The following FNDC1 variants were observed in gnomAD, a reference collection of about 807,000 sequenced individuals.
FNDC1 encodes the protein fibronectin type III domain containing 1, also known as fibronectin type III domain-containing protein 1.
FNDC1 carries 96 observed loss-of-function variants against 168.0 expected under a neutral mutation model. The observed-to-expected ratio is 0.57, with a 90% confidence interval of 0.48 to 0.68. The LOEUF (loss-of-function observed/expected upper bound fraction) is 0.68. FNDC1 is among the 30% of genes least tolerant of loss of function. The pLI is 0.00. For synonymous variants in FNDC1, 1,099 were observed against 1,025.9 expected (o/e 1.07, Z -1.36); for missense variants, 2,587 against 2,482.1 (o/e 1.04, Z -0.90).
chr6:159,256,489 G>C lies in FNDC1; in HGVS notation c.5066-34G>C, dbSNP rs768181101. ...ATCTTGTGTGTGACTTGGTTCCTTG[G>C]TGTCCATTGGGTTTTTCCTGTTTCC... On this transcript the variant is annotated intron_variant, in intron 17 of 22. Transcript: ENST00000297267. The C allele has an allele frequency of 4.0e-6, 6 of 1,486,238 alleles. No homozygotes were observed. In the East Asian group the frequency reaches 6.8e-5, roughly 17 times the overall value. The allele number at this position is 1,486,238 out of a possible 1,614,324, so 92.1% of individuals were successfully genotyped here. A position where few individuals can be genotyped will look rare whatever the true frequency, so the allele number is the denominator to read the frequency against.
At chr6:159,174,374 C>T (rs923398892) in intron 1 of FNDC1, among the ~76,000 whole-genome samples, 1 of 152,256 alleles carries the variant, frequency 6.6e-6, no homozygotes, top group Non-Finnish European at 1.5e-5. Flanking sequence ...TAAAAGTTAT[C>T]CTTGCTTATG....
chr6:159,176,566 TG>T (rs891390260), intron 1 of FNDC1, among the ~76,000 whole-genome samples: 5 of 152,128 alleles, frequency 3.3e-5, no homozygotes, highest in Admixed American at 2.6e-4. Flanking sequence ...GCTGCACACG[TG>T]AAGTCATGTG....
rs967761972 is a variant in FNDC1 at position 159,271,496 on chromosome 6, G to A, written c.*54G>A. On this transcript the variant is annotated 3_prime_UTR_variant, in exon 23 of 23. Coordinates refer to ENST00000297267, the MANE Select transcript of FNDC1 (RefSeq NM_032532.3). ...CCTGCCCAGCCCCACCAACTAAGTCGCACTAGGGGCTGTGAGCAAAGACAG... is the reference window on the plus strand; with the variant it reads ...CCTGCCCAGCCCCACCAACTAAGTCACACTAGGGGCTGTGAGCAAAGACAG... 8.8e-6 allele frequency: 12 copies of A among 1,360,712 alleles called. No homozygotes were observed. Among genetic ancestry groups the A allele is most frequent in the South Asian group, 6.2e-5 (5 of 80,592 alleles). The allele number at this position is 1,360,712 out of a possible 1,614,324, so 84.3% of individuals were successfully genotyped here.
At chr6:159,231,780 G>A in intron 10 of FNDC1, 102 bp from the exon 11 acceptor site, 1 of 915,404 alleles carries the variant, frequency 1.1e-6, no homozygotes, top group Non-Finnish European at 1.6e-6. Flanking sequence ...TATGACTACT[G>A]ATTTGAAATG....
At chr6:159,172,419 A>G (rs942911168) in intron 1 of FNDC1, among the ~76,000 whole-genome samples, 7 of 152,272 alleles carry the variant, frequency 4.6e-5, no homozygotes, top group African/African-American at 1.7e-4. Flanking sequence ...TTGCTTGCCA[A>G]TGATAACATT....
At chr6:159,230,115 C>G in intron 10 of FNDC1, 112 bp downstream of exon 10, 1 of 932,156 alleles carries the variant, frequency 1.1e-6, no homozygotes, top group Middle Eastern at 3.8e-4. Flanking sequence ...GATGATTTTT[C>G]CAGGCTAAGT....
At chr6:159,186,392 T>C (rs1337371862) in intron 1 of FNDC1, among the ~76,000 whole-genome samples, 7 of 152,202 alleles carry the variant, frequency 4.6e-5, no homozygotes, top group African/African-American at 1.7e-4. Flanking sequence ...ACCCTTGAGA[T>C]AATGAGAGTG....
intron 2 of FNDC1, 81 bp downstream of exon 2, chr6:159,197,706 A>G: frequency 1.5e-6 from 2 of 1,321,474 alleles, no homozygotes; most frequent in South Asian, 2.8e-5. Context: ...GATGACTGTG[A>G]GACAACCCAT....
intron 22 of FNDC1, among the ~76,000 whole-genome samples, chr6:159,268,583 C>A (rs1325002218): frequency 6.6e-6 from 1 of 152,158 alleles, no homozygotes; most frequent in Non-Finnish European, 1.5e-5. Flanking sequence ...ATCCATCTAT[C>A]CGTCTCTCTC....
chr6:159,266,353 C>A, intron 21 of FNDC1, 108 bp downstream of exon 21: 1 of 1,155,400 alleles, frequency 8.7e-7, no homozygotes. Context: ...GCTGGAGCTA[C>A]GACTATGGCT....
chr6:159,213,674 T>A (rs1782651407), intron 4 of FNDC1, among the ~76,000 whole-genome samples: 1 of 151,008 alleles, frequency 6.6e-6, no homozygotes, highest in South Asian at 2.1e-4. Context: ...CTGCTCATTT[T>A]ACTGGACTAT....
chr6:159,217,274 G>C (rs1345908374), intron 5 of FNDC1, among the ~76,000 whole-genome samples: 1 of 152,200 alleles, frequency 6.6e-6, no homozygotes, highest in Non-Finnish European at 1.5e-5. Flanking sequence ...GACAGCCAAG[G>C]CTGGCGCGGA....
rs751123795 is a variant in FNDC1, at chr6:159,233,986, G to C, written c.3474G>C (p.Lys1158Asn). 7.5e-6 allele frequency: 12 copies of C among 1,601,076 alleles called. No homozygotes were observed. The South Asian group carries it at 1.3e-4, about 18-fold the overall frequency. ...ARVPSRAAPG[K>N]SEPPSKRPLS... ...TACCCAGCAGGGCAGCGCCGGGGAAGTCGGAGCCTCCTTCCAAGCGGCCCC... is the reference window on the plus strand; with the variant it reads ...TACCCAGCAGGGCAGCGCCGGGGAACTCGGAGCCTCCTTCCAAGCGGCCCC... The change falls in exon 11 of 23, where the codon AAG (lysine) becomes AAC (asparagine). Residue 1158 changes from lysine to asparagine, a missense_variant. Physicochemically the swap from Lys to Asn is moderately conservative, Grantham distance 94 (BLOSUM62 0). Transcript: ENST00000297267. This position sits in a 1 kb window ranked among gnomAD's most constrained non-coding sequence, Gnocchi z 4.6.
At chr6:159,210,059 G>A (rs1189757662) in intron 4 of FNDC1, among the ~76,000 whole-genome samples, 1 of 152,246 alleles carries the variant, frequency 6.6e-6, no homozygotes, top group African/African-American at 2.4e-5. Context: ...GACGCCCTCT[G>A]AAGAGCAGTC....
At chr6:159,171,518 AC>A (rs763665776) in intron 1 of FNDC1, among the ~76,000 whole-genome samples, 1 of 151,776 alleles carries the variant, frequency 6.6e-6, no homozygotes, top group Non-Finnish European at 1.5e-5. Flanking sequence ...CCCCTTCACC[AC>A]CCTTTTGGGG....
intron 18 of FNDC1, among the ~76,000 whole-genome samples, chr6:159,258,246 C>T (rs1486661235): frequency 6.6e-6 from 1 of 152,186 alleles, no homozygotes; most frequent in Non-Finnish European, 1.5e-5. Context: ...GGAAAATACA[C>T]ATGGCCCTGC....
chr6:159,200,592 C>T lies in FNDC1; in HGVS notation c.460+11C>T. The T allele has an allele frequency of 1.3e-6, 2 of 1,576,016 alleles. No individual in the cohort carries two copies. Among genetic ancestry groups the T allele is most frequent in the Non-Finnish European group, 1.7e-6 (2 of 1,157,332 alleles). On this transcript the variant is annotated intron_variant, in intron 4 of 22. Transcript: ENST00000297267. ...ATGAAACCGTCACAGGTACTACTTC[C>T]TCCTTCATGTCAGATTCATGTTTTC...
intron 14 of FNDC1, among the ~76,000 whole-genome samples, chr6:159,246,487 C>A (rs147223923): frequency 5.3e-4 from 81 of 152,356 alleles, no homozygotes; most frequent in African/African-American, 1.9e-3. Context: ...CGCCCACTCT[C>A]TTCTGTCTCT....
At chr6:159,198,430 C>T (rs1583864267) in intron 2 of FNDC1, among the ~76,000 whole-genome samples, 1 of 152,310 alleles carries the variant, frequency 6.6e-6, no homozygotes, top group Non-Finnish European at 1.5e-5. Flanking sequence ...ACTCCTTCTC[C>T]ACCTCCTGCA....
Sources: allele counts gnomAD v4.1 joint callset (sites outside exome capture counted in the v4.1 genomes callset), GRCh38; gene constraint gnomAD v4.1.1; non-coding constraint Gnocchi (gnomAD v3.1); transcripts MANE v1.5; gene names NCBI Gene and HGNC (gene_info 2026-07-23, HGNC 2026-07-21).